ZAN: variants seen among roughly 807,000 people sequenced by gnomAD.
The protein encoded by ZAN is zonadhesin.
ZAN carries 260 observed loss-of-function variants against 286.2 expected under a neutral mutation model. That is an observed-to-expected ratio of 0.91 (90% CI 0.82 to 1.01). The LOEUF (loss-of-function observed/expected upper bound fraction) is 1.01. ZAN is among the 50% of genes least tolerant of loss of function. ZAN has a pLI of 0.00. For synonymous variants in ZAN, 1,368 were observed against 1,417.5 expected, an observed-to-expected ratio of 0.97 and a Z score of 0.79; for missense variants, 3,410 against 3,639.2, an observed-to-expected ratio of 0.94 and a Z score of 1.62.
intron 7 of ZAN, among the ~76,000 whole-genome samples, chr7:100,743,182 C>A (rs1807937071): frequency 6.6e-6 from 1 of 151,672 alleles, no homozygotes; most frequent in African/African-American, 2.4e-5. Flanking sequence ...CGTCACCATG[C>A]CCAGTTAATT....
intron 14 of ZAN, 27 bp downstream of exon 14, chr7:100,753,256 A>G: frequency 1.3e-6 from 2 of 1,542,998 alleles, no homozygotes; most frequent in Non-Finnish European, 1.7e-6. Context: ...GCGTGGGCCA[A>G]GGCTGAAAGT....
chr7:100,762,161 G>C, intron 19 of ZAN, 54 bp from the exon 20 acceptor site: 2 of 1,605,954 alleles, frequency 1.2e-6, no homozygotes, highest in Non-Finnish European at 1.7e-6. Context: ...ACTGCCCCTC[G>C]AGGACCGAGG....
rs370829788 is a variant in ZAN at position 100,752,070 on chromosome 7, C to T, written c.1965C>T (p.Thr655=). 3.2e-5 allele frequency: 51 copies of T among 1,612,546 alleles called. No individual in the cohort carries two copies. The highest frequency in any genetic ancestry group is 1.2e-4 in the Admixed American group (7 of 59,784). The part of the protein sequence containing the change: ...EKPTISTEKP[T]VPTEEPTTPT... ...CCACCATTTCCACAGAAAAACCCAC[C>T]GTCCCCACAGAAGAGCCCACCACCC... is the stretch of plus-strand genomic sequence containing the variant. Residue 655 remains threonine, a synonymous_variant, in exon 14 of 48, where the codon ACC becomes ACT. Transcript: ENST00000613979.
chr7:100,782,816 A>G (rs1461990997), intron 35 of ZAN, among the ~76,000 whole-genome samples: 2 of 152,030 alleles, frequency 1.3e-5, no homozygotes, highest in Non-Finnish European at 2.9e-5. Flanking sequence ...TTATTAAATG[A>G]CTAGTCTGTC....
intron 36 of ZAN, among the ~76,000 whole-genome samples, 195 bp from the exon 37 acceptor site, chr7:100,785,802 G>A (rs1428486083): frequency 1.3e-5 from 2 of 152,050 alleles, no homozygotes; most frequent in African/African-American, 4.8e-5. Flanking sequence ...GGGATTACAA[G>A]TGTGTGCTAC....
intron 35 of ZAN, 34 bp downstream of exon 35, chr7:100,779,784 C>T: frequency 1.3e-6 from 2 of 1,526,070 alleles, no homozygotes; most frequent in Non-Finnish European, 8.8e-7. Context: ...CAAACCCCTC[C>T]CAAACCCCCT....
intron 34 of ZAN, among the ~76,000 whole-genome samples, chr7:100,777,308 G>T (rs900856895): frequency 2.0e-5 from 3 of 151,960 alleles, no homozygotes; most frequent in Non-Finnish European, 4.4e-5. Context: ...GCCTCCCGAA[G>T]TGCTGGGTAA....
chr7:100,763,978 G>T lies in ZAN; in HGVS notation c.4098-49G>T. The stretch of plus-strand genomic sequence containing the variant: ...TGCTTGGCACCTGGGCTCCTCCAAG[G>T]CTCTACCCCCTTCCACTGCATTCCC... On this transcript the variant is annotated intron_variant, in intron 21 of 47. Coordinates refer to ENST00000613979, the MANE Select transcript of ZAN (RefSeq NM_003386.3). This position sits in a 1 kb window ranked among gnomAD's most constrained non-coding sequence, Gnocchi z 4.6. 1 of 1,613,708 alleles carries T rather than the reference G, an allele frequency of 6.2e-7. No individual in the cohort carries two copies. Among genetic ancestry groups the T allele is most frequent in the Non-Finnish European group, 8.5e-7 (1 of 1,179,752 alleles).
intron 7 of ZAN, among the ~76,000 whole-genome samples, chr7:100,743,538 A>T (rs538967774): frequency 6.6e-6 from 1 of 152,096 alleles, no homozygotes; most frequent in African/African-American, 2.4e-5. Context: ...TCTGCTCCCT[A>T]ATTTCCTGAG....
intron 37 of ZAN, among the ~76,000 whole-genome samples, chr7:100,786,654 T>C (rs868267476): frequency 6.6e-6 from 1 of 152,162 alleles, no homozygotes; most frequent in Non-Finnish European, 1.5e-5. Flanking sequence ...CATGTGTTCC[T>C]CCTGCCTCAG....
At chr7:100,794,684 A>C (rs900698446) in intron 44 of ZAN, among the ~76,000 whole-genome samples, 4 of 152,038 alleles carry the variant, frequency 2.6e-5, no homozygotes, top group African/African-American at 9.7e-5. Context: ...AAATTAAAGA[A>C]AAAAAGAGCT....
chr7:100,753,237 G>A lies in ZAN; in HGVS notation c.3124+8G>A, dbSNP rs1243552021. 6.4e-7 allele frequency: 1 copy of A among 1,568,482 alleles called. No homozygotes were observed. The highest frequency in any genetic ancestry group is 1.2e-5 in the South Asian group (1 of 84,872). The stretch of plus-strand genomic sequence containing the variant: ...CCTCCAGATCCAGTACAGGTATGAG[G>A]TGGATGGAGCGTGGGCCAAGGCTGA... On this transcript the variant is annotated splice_region_variant and intron_variant, in intron 14 of 47. Transcript: ENST00000613979.
chr7:100,762,307 AC>A lies in ZAN; in HGVS notation c.3936del (p.Asp1312GlufsTer25), dbSNP rs1354321400. On this transcript the variant is annotated frameshift_variant, in exon 20 of 48. Transcript: ENST00000613979. LOFTEE classifies it high-confidence loss of function. ...AAGTTGGACGGCAGCCCAGCAGGAG[AC>A]AAGGAGGAGCTGGGGAACAGCTGGC... ...HLKLDGSPAG[D>X]KEELGNSWQT... is the part of the protein sequence containing the mutation. 6.2e-7 allele frequency: 1 copy of A among 1,613,598 alleles called. No homozygotes were observed. Among genetic ancestry groups the A allele is most frequent in the Admixed American group, 1.7e-5 (1 of 59,946 alleles).
At chr7:100,770,093 CAAATGG>C in intron 28 of ZAN, 119 bp downstream of exon 28, 2 of 953,866 alleles carry the variant, frequency 2.1e-6, no homozygotes, top group Admixed American at 2.5e-5. Flanking sequence ...ATGAGGAAGG[CAAATGG>C]GAACACAGGG....
At position 100,767,939 on chromosome 7, in the gene ZAN, C is replaced by T. The variant is rs574171826; in HGVS notation, c.4969C>T (p.Arg1657Cys). Residue 1657 changes from arginine (R) to cysteine (C), a missense_variant, in exon 26 of 48, where the codon CGC becomes TGC. By Grantham distance (180) the Arg-to-Cys change is radical. Transcript: ENST00000613979. ...LLYTNFGLQV[R>C]YDGSHLVEVT... Reference sequence around the variant, plus strand: ...CTACACGAACTTTGGGCTCCAAGTTCGCTACGACGGGAGCCACTTGGTGGA... The same window carrying T: ...CTACACGAACTTTGGGCTCCAAGTTTGCTACGACGGGAGCCACTTGGTGGA... The T allele has an allele frequency of 1.9e-4, 304 of 1,613,972 alleles. 3 individuals are homozygous for T. The South Asian group carries it at 3.2e-3, about 17-fold the overall frequency.
intron 15 of ZAN, among the ~76,000 whole-genome samples, chr7:100,757,333 A>G (rs984435425): frequency 1.3e-5 from 2 of 152,122 alleles, no homozygotes; most frequent in African/African-American, 2.4e-5. Flanking sequence ...GTCGCCACGA[A>G]TAGGCTGTGG....
In ZAN at chr7:100,779,377, A is replaced by G. The variant is rs150328071; in HGVS notation, c.6318-69A>G. 4.4e-4 allele frequency: 648 copies of G among 1,471,674 alleles called. 5 individuals are homozygous for G. The African/African-American group carries it at 8.3e-3, about 19-fold the overall frequency. 91.2% of individuals were successfully genotyped at this position (1,471,674 alleles called of 1,614,324 possible). A position where few individuals can be genotyped will look rare whatever the true frequency, so the allele number is the denominator to read the frequency against. Reference sequence around the variant, plus strand: ...TGGGTGACAGAGCAAGACTCCCCCTAAAGAAAAAAAAATTTTGTGTCATAG... The same window carrying G: ...TGGGTGACAGAGCAAGACTCCCCCTGAAGAAAAAAAAATTTTGTGTCATAG... On this transcript the variant is annotated intron_variant, in intron 34 of 47. Coordinates refer to ENST00000613979, the MANE Select transcript of ZAN (RefSeq NM_003386.3).
intron 23 of ZAN, 99 bp downstream of exon 23, chr7:100,765,653 T>C (rs1809914927): frequency 1.1e-5 from 15 of 1,392,142 alleles, no homozygotes; most frequent in Non-Finnish European, 1.4e-5. Flanking sequence ...TCGTTTCTTG[T>C]TTTGTTTTGT....
At chr7:100,768,565 G>T (rs1366652082) in intron 26 of ZAN, 45 bp from the exon 27 acceptor site, 1 of 1,522,960 alleles carries the variant, frequency 6.6e-7, no homozygotes, top group Non-Finnish European at 8.9e-7. Context: ...GGCCTGGCCT[G>T]CTGGGGGGCC....
Sources: allele counts gnomAD v4.1 joint callset (sites outside exome capture counted in the v4.1 genomes callset), GRCh38; gene constraint gnomAD v4.1.1; non-coding constraint Gnocchi (gnomAD v3.1); transcripts MANE v1.5; gene names NCBI Gene and HGNC (gene_info 2026-07-23, HGNC 2026-07-21).